TTLL7: variants seen among roughly 807,000 people sequenced by gnomAD.
TTLL7 encodes the protein tubulin polyglutamylase TTLL7.
In TTLL7, 53 loss-of-function variants were observed where a neutral mutation model predicts 120.2. That is an observed-to-expected ratio of 0.44 (90% CI 0.35 to 0.55). The LOEUF (loss-of-function observed/expected upper bound fraction) is 0.55, where lower values mean the gene tolerates loss of function less well. TTLL7 is among the 20% of genes least tolerant of loss of function. The pLI is 0.00. For synonymous variants in TTLL7, 353 were observed against 351.7 expected (o/e 1.00, Z -0.04); for missense variants, 803 against 1,054.7 (o/e 0.76, Z 3.31).
At chr1:83,967,191 G>C (rs1286534431) in intron 1 of TTLL7, among the ~76,000 whole-genome samples, 1 of 151,986 alleles carries the variant, frequency 6.6e-6, no homozygotes, top group Non-Finnish European at 1.5e-5. Flanking sequence ...TAAAATAATG[G>C]TGTGTCTTAT....
intron 6 of TTLL7, chr1:83,945,931 A>T (rs1283298305): frequency 1.3e-5 from 2 of 152,188 alleles, no homozygotes; most frequent in Non-Finnish European, 2.9e-5. Flanking sequence ...CCACATTTGC[A>T]AATAATGTAT....
chr1:83,979,207 T>A (rs776466723), intron 1 of TTLL7: 4 of 152,162 alleles, frequency 2.6e-5, no homozygotes, highest in African/African-American at 4.8e-5. Flanking sequence ...CCTCAGAGAT[T>A]AGGGTTTTTC....
intron 1 of TTLL7, among the ~76,000 whole-genome samples, chr1:83,964,740 GA>G (rs1424052902): frequency 1.3e-5 from 2 of 152,032 alleles, no homozygotes; most frequent in African/African-American, 4.8e-5. Flanking sequence ...TACTGACACT[GA>G]TCATATCAAT....
intron 18 of TTLL7, among the ~76,000 whole-genome samples, chr1:83,895,231 A>G (rs1349997835): frequency 1.3e-5 from 2 of 152,066 alleles, no homozygotes; most frequent in East Asian, 3.9e-4. Context: ...TTGATAATAA[A>G]GTTACCAGGT....
chr1:83,953,492 T>C (rs1393805304), intron 1 of TTLL7, among the ~76,000 whole-genome samples: 50 of 152,266 alleles, frequency 3.3e-4, no homozygotes. Context: ...GTTTCAATAT[T>C]AAAGAAAATT....
chr1:83,889,973 G>A (rs1019538434), intron 19 of TTLL7: 2 of 468,688 alleles, frequency 4.3e-6, no homozygotes, highest in South Asian at 3.1e-5. Context: ...AAATGACAAT[G>A]AGTCACAGCA....
chr1:83,923,369 A>C lies in TTLL7; in HGVS notation c.1143-1975T>G, dbSNP rs192080291. ...AAGACTAAACAATCCACAAGAGAAA[A>C]AAAATAGAGGAAGCAAAAAAAGGGA... On this transcript the variant is annotated intron_variant, in intron 10 of 20. Coordinates refer to ENST00000260505, the MANE Select transcript of TTLL7 (RefSeq NM_024686.6). Among the ~76,000 whole-genome samples the C allele has an allele frequency of 5.3e-3, 799 of 152,144 alleles. 6 individuals carry two copies. Among genetic ancestry groups the C allele is most frequent in the South Asian group, 0.017 (80 of 4,828 alleles).
At chr1:83,969,029 A>G (rs1444920421) in intron 1 of TTLL7, among the ~76,000 whole-genome samples, 1 of 152,080 alleles carries the variant, frequency 6.6e-6, no homozygotes, top group Non-Finnish European at 1.5e-5. Context: ...TTTAAATAAT[A>G]GCTGCAAAAA....
intron 18 of TTLL7, among the ~76,000 whole-genome samples, chr1:83,901,117 T>C (rs1020214699): frequency 1.3e-5 from 2 of 151,972 alleles, no homozygotes; most frequent in Non-Finnish European, 1.5e-5. Context: ...TCATTTTATG[T>C]GCTACACTTA....
rs201287031 is a variant in TTLL7, at chr1:83,907,506, T to C, written c.1942A>G (p.Met648Val). 9 of 1,613,042 alleles carry C rather than the reference T, an allele frequency of 5.6e-6. No homozygotes were observed. The highest frequency in any genetic ancestry group is 4.5e-5 in the East Asian group (2 of 44,842). ...SHSLNRASSY[M>V]RHLPHSNDAC... ...TCATTACTGTGAGGCAGATGCCTCA[T>C]GTAGGAGGAAGCACGGTTTAAGGAA... The change falls in exon 16 of 21, where the codon ATG (methionine) becomes GTG (valine). Residue 648 changes from methionine (M) to valine (V), a missense_variant. Transcript: ENST00000260505.
chr1:83,979,855 G>A (rs1651802364), intron 1 of TTLL7: 1 of 152,150 alleles, frequency 6.6e-6, no homozygotes. Flanking sequence ...GGGGCTTGCA[G>A]GACTTGCTTA....
intron 1 of TTLL7, among the ~76,000 whole-genome samples, chr1:83,969,059 A>C (rs1380905360): frequency 6.6e-6 from 1 of 152,070 alleles, no homozygotes; most frequent in Non-Finnish European, 1.5e-5. Flanking sequence ...TTTCATTTAC[A>C]GTTATTTTCT....
intron 14 of TTLL7, chr1:83,912,489 C>T (rs1657767023): frequency 6.6e-6 from 1 of 152,140 alleles, no homozygotes; most frequent in South Asian, 2.1e-4. Flanking sequence ...CAGTTGTATA[C>T]TAGTTGCTTG....
intron 19 of TTLL7, among the ~76,000 whole-genome samples, 193 bp from the exon 20 acceptor site, chr1:83,883,329 A>T (rs1654686546): frequency 1.3e-5 from 2 of 152,046 alleles, no homozygotes; most frequent in Non-Finnish European, 2.9e-5. Context: ...GAAATACAAC[A>T]TCAAATACAT....
At chr1:83,892,959 AAAAGAAAG>A (rs1252043448) in intron 18 of TTLL7, among the ~76,000 whole-genome samples, 1 of 134,086 alleles carries the variant, frequency 7.5e-6, no homozygotes, top group African/African-American at 3.2e-5. Context: ...AGAAAAGAAT[AAAAGAAAG>A]AAAGAGAAAA....
At chr1:83,977,608 A>ACAGG (rs1295115799) in intron 1 of TTLL7, among the ~76,000 whole-genome samples, 1 of 152,160 alleles carries the variant, frequency 6.6e-6, no homozygotes, top group African/African-American at 2.4e-5. Context: ...TCAGGAAGAG[A>ACAGG]CAGGCTGCAG....
At position 83,921,373 on chromosome 1, in the gene TTLL7, G is replaced by C. The variant is rs767552516; in HGVS notation, c.1164C>G (p.Asn388Lys). Residue 388 changes from asparagine to lysine, a missense_variant, in exon 11 of 21, where the codon AAC becomes AAG. Asn to Lys is a moderately conservative substitution (Grantham distance 94, BLOSUM62 0). Transcript: ENST00000260505. ...GAGCCTCAGCTTTTTGTTTGGCCAA[G>C]TTTCTTCTTTTGTCACTGGTCCTAA... ...LNIRTSDKRR[N>K]LAKQKAEAQR... is the part of the protein sequence containing the mutation. The C allele has an allele frequency of 1.9e-6, 3 of 1,611,196 alleles. No homozygotes were observed. The highest frequency in any genetic ancestry group is 2.7e-5 in the African/African-American group (2 of 74,714).
intron 20 of TTLL7, among the ~76,000 whole-genome samples, chr1:83,874,168 T>G (rs1261933946): frequency 1.3e-5 from 2 of 152,062 alleles, no homozygotes; most frequent in African/African-American, 4.8e-5. Context: ...GTAATATCTA[T>G]TCTATTTTCT....
intron 13 of TTLL7, among the ~76,000 whole-genome samples, chr1:83,918,018 G>A (rs1013497551): frequency 6.6e-6 from 1 of 152,102 alleles, no homozygotes; most frequent in Non-Finnish European, 1.5e-5. Flanking sequence ...TTTCTGGAAA[G>A]TTCATGCTGT....
Sources: gnomAD v4.1 joint callset for allele counts (sites outside exome capture counted in the v4.1 genomes callset) on GRCh38, gnomAD v4.1.1 for gene constraint, MANE v1.5 for transcripts, NCBI Gene and HGNC (gene_info 2026-07-23, HGNC 2026-07-21) for gene names.